Variants in LRRC49 observed in about 807,000 individuals in gnomAD.
LRRC49 encodes leucine rich repeat containing 49, also known as leucine-rich repeat-containing protein 49.
LRRC49 carries 50 observed loss-of-function variants against 83.3 expected under a neutral mutation model. The observed-to-expected ratio is 0.60, with a 90% CI of 0.48 to 0.76. LRRC49 has a LOEUF of 0.76. LRRC49 is among the 30% of genes least tolerant of loss of function. The pLI, the probability that LRRC49 is intolerant of heterozygous loss-of-function variation, is 0.00. For missense variants in LRRC49, 704 were observed against 809.1 expected, an observed-to-expected ratio of 0.87 and a Z score of 1.58; for synonymous variants, 286 against 283.3, an observed-to-expected ratio of 1.01 and a Z score of -0.10.
chr15:70,868,210 G>A (rs943028577), intron 1 of LRRC49, among the ~76,000 whole-genome samples: 17 of 152,150 alleles, frequency 1.1e-4, no homozygotes, highest in African/African-American at 3.9e-4. Flanking sequence ...GAAACATCTG[G>A]GGTAACCTTA....
At chr15:71,017,431 A>G (rs903843466) in intron 14 of LRRC49, among the ~76,000 whole-genome samples, 1 of 152,202 alleles carries the variant, frequency 6.6e-6, no homozygotes. Flanking sequence ...GAAATACATC[A>G]TAAAGTGAAA....
chr15:70,870,616 G>T lies in LRRC49; in HGVS notation c.-298-2292G>T, dbSNP rs545980058. Among the ~76,000 whole-genome samples, 11 of 152,210 alleles carry T rather than the reference G, an allele frequency of 7.2e-5. No individual in the cohort carries two copies. In the South Asian group the frequency reaches 2.1e-3, roughly 29 times the overall value. Reference sequence around the variant, plus strand: ...AGCGATTCTCCTGCCTCAGCCTCCCGAGTAGCTGGGATTACAGGAATGTGC... The same window carrying T: ...AGCGATTCTCCTGCCTCAGCCTCCCTAGTAGCTGGGATTACAGGAATGTGC... On this transcript the variant is annotated intron_variant, in intron 1 of 16. Transcript: ENST00000544974.
chr15:70,891,534 T>A (rs2033562445), upstream of LRRC49, among the ~76,000 whole-genome samples: 1 of 149,098 alleles, frequency 6.7e-6, no homozygotes, highest in African/African-American at 2.5e-5. Context: ...GAGCAGCGAG[T>A]GAAAGCAACT....
At chr15:70,854,131 G>A in intron 1 of LRRC49, 1 of 1,208,398 alleles carries the variant, frequency 8.3e-7, no homozygotes, top group Non-Finnish European at 1.0e-6. Flanking sequence ...CACGCCGCAA[G>A]GCCCAGCCAG....
chr15:70,907,707 G>A (rs1171114642), intron 5 of LRRC49: 5 of 263,224 alleles, frequency 1.9e-5, no homozygotes, highest in Non-Finnish European at 3.9e-5. Flanking sequence ...CTTTATCCTG[G>A]CATCAGTAAC....
At chr15:71,045,260 T>C (rs917500357) in intron 15 of LRRC49, among the ~76,000 whole-genome samples, 1 of 152,188 alleles carries the variant, frequency 6.6e-6, no homozygotes, top group African/African-American at 2.4e-5. Context: ...AACTTTTTAA[T>C]AAAAATTTCA....
intron 8 of LRRC49, among the ~76,000 whole-genome samples, chr15:70,940,293 G>C (rs1415015292): frequency 3.3e-5 from 4 of 120,840 alleles, no homozygotes; most frequent in Non-Finnish European, 6.4e-5. Context: ...GTCTCGCTCT[G>C]TCGCCCAGGC....
intron 11 of LRRC49, among the ~76,000 whole-genome samples, chr15:70,992,728 G>T (rs1169032967): frequency 1.3e-5 from 2 of 152,246 alleles, no homozygotes; most frequent in African/African-American, 2.4e-5. Flanking sequence ...GTTGCTGTCT[G>T]ATTGTTCCTC....
chr15:70,942,804 C>T (rs903464088), intron 8 of LRRC49, among the ~76,000 whole-genome samples: 1 of 152,044 alleles, frequency 6.6e-6, no homozygotes, highest in African/African-American at 2.4e-5. Flanking sequence ...CGGGACAACT[C>T]GAAGTGGGGG....
chr15:70,931,213 T>G (rs905340582), intron 7 of LRRC49, among the ~76,000 whole-genome samples: 5 of 152,150 alleles, frequency 3.3e-5, no homozygotes, highest in African/African-American at 1.2e-4. Flanking sequence ...TTAATTGGCC[T>G]AGTTTTAATA....
At chr15:70,995,091 A>C (rs2038031602) in intron 11 of LRRC49, among the ~76,000 whole-genome samples, 1 of 152,192 alleles carries the variant, frequency 6.6e-6, no homozygotes, top group African/African-American at 2.4e-5. Context: ...TAAATGTCTG[A>C]AAAAGAACAA....
chr15:70,983,244 A>G (rs998621133), intron 10 of LRRC49, among the ~76,000 whole-genome samples: 1 of 152,128 alleles, frequency 6.6e-6, no homozygotes, highest in Non-Finnish European at 1.5e-5. Flanking sequence ...TCAGTAGTCT[A>G]GATCTGCTTT....
intron 2 of LRRC49, among the ~76,000 whole-genome samples, chr15:70,879,630 G>T (rs1423375789): frequency 1.3e-5 from 2 of 152,100 alleles, no homozygotes; most frequent in Non-Finnish European, 2.9e-5. Flanking sequence ...AGATTTGGGT[G>T]GAGTTTATGA....
chr15:70,988,770 G>A (rs2037738696), intron 11 of LRRC49, among the ~76,000 whole-genome samples: 1 of 152,278 alleles, frequency 6.6e-6, no homozygotes, highest in African/African-American at 2.4e-5. Flanking sequence ...TGCAGTGGCT[G>A]GTACCGGTTG....
At chr15:71,025,137 CAGG>C (rs1443643355) in intron 14 of LRRC49, among the ~76,000 whole-genome samples, 1 of 152,178 alleles carries the variant, frequency 6.6e-6, no homozygotes, top group Non-Finnish European at 1.5e-5. Flanking sequence ...AGATATCATC[CAGG>C]AGAACTTCCC....
upstream of LRRC49, chr15:70,892,243 G>T (rs759813809): frequency 1.9e-6 from 3 of 1,581,904 alleles, no homozygotes; most frequent in African/African-American, 1.3e-5. Flanking sequence ...TGGTGTTGCC[G>T]CAGTGGGCGG....
At chr15:70,910,367 A>T (rs990698628) in intron 5 of LRRC49, among the ~76,000 whole-genome samples, 1 of 152,134 alleles carries the variant, frequency 6.6e-6, no homozygotes, top group Non-Finnish European at 1.5e-5. Flanking sequence ...ATATACATAC[A>T]CACTACATAT....
intron 1 of LRRC49, among the ~76,000 whole-genome samples, chr15:70,872,690 T>C (rs1567031791): frequency 6.6e-6 from 1 of 152,074 alleles, no homozygotes; most frequent in Admixed American, 6.5e-5. Flanking sequence ...GCTGGCATTT[T>C]TAAAAAAGAG....
chr15:70,955,938 T>G (rs1170165015), intron 8 of LRRC49, among the ~76,000 whole-genome samples: 1 of 152,190 alleles, frequency 6.6e-6, no homozygotes, highest in Non-Finnish European at 1.5e-5. Context: ...GCTTGATGAT[T>G]TATTCTATTG....
Sources: gnomAD v4.1 joint callset for allele counts (sites outside exome capture counted in the v4.1 genomes callset) on GRCh38, gnomAD v4.1.1 for gene constraint, MANE v1.5 for transcripts, NCBI Gene and HGNC (gene_info 2026-07-23, HGNC 2026-07-21) for gene names.